Variants in GPC6 observed in about 807,000 individuals in gnomAD.
The protein encoded by GPC6 is glypican 6, also known as glypican-6.
In GPC6, 14 loss-of-function variants were observed where a neutral mutation model predicts 55.2. That is an observed-to-expected ratio of 0.25 (90% CI 0.17 to 0.40). The LOEUF (loss-of-function observed/expected upper bound fraction) is 0.40, where lower values mean the gene tolerates loss of function less well. Ranked by LOEUF, GPC6 falls within the 10% of genes least tolerant of loss-of-function variation. The pLI is 1.00. For missense variants in GPC6, 641 were observed against 708.5 expected, an observed-to-expected ratio of 0.90 and a Z score of 1.08; for synonymous variants, 278 against 259.6, an observed-to-expected ratio of 1.07 and a Z score of -0.68.
chr13:94,275,671 T>C (rs1464220210), intron 4 of GPC6, among the ~76,000 whole-genome samples: 1 of 151,824 alleles, frequency 6.6e-6, no homozygotes, highest in African/African-American at 2.4e-5. Context: ...AAAATATTGG[T>C]AATTCATGAA....
At chr13:94,086,502 G>T (rs915504098) in intron 4 of GPC6, among the ~76,000 whole-genome samples, 1 of 151,838 alleles carries the variant, frequency 6.6e-6, no homozygotes, top group Non-Finnish European at 1.5e-5. Context: ...CTGTAGAAAT[G>T]TGCATGGTTT....
chr13:94,382,403 T>A lies in GPC6; in HGVS notation c.1153-11T>A, dbSNP rs958064962. On this transcript the variant is annotated splice_polypyrimidine_tract_variant and intron_variant, in intron 6 of 8. Coordinates refer to ENST00000377047, the MANE Select transcript of GPC6 (RefSeq NM_005708.5). ...AGAATACTCACTTGCTTTCCTTGGT[T>A]TCTTGATCAGGTCACAGACATAAAA... 4.3e-6 allele frequency: 7 copies of A among 1,613,950 alleles called. No individual in the cohort carries two copies. The highest frequency in any genetic ancestry group is 5.9e-6 in the Non-Finnish European group (7 of 1,179,946).
intron 1 of GPC6, among the ~76,000 whole-genome samples, chr13:93,280,097 C>T (rs1877898175): frequency 6.6e-6 from 1 of 152,122 alleles, no homozygotes; most frequent in African/African-American, 2.4e-5. Context: ...CACCTGAAGG[C>T]ATTTTTTCAC....
At chr13:93,829,108 T>A (rs1460663813) in intron 2 of GPC6, among the ~76,000 whole-genome samples, 1 of 152,228 alleles carries the variant, frequency 6.6e-6, no homozygotes, top group African/African-American at 2.4e-5. Flanking sequence ...AAACGGGGAC[T>A]ATGAAGAGGT....
At chr13:94,261,071 C>T (rs546478772) in intron 4 of GPC6, among the ~76,000 whole-genome samples, 18 of 152,122 alleles carry the variant, frequency 1.2e-4, no homozygotes, top group East Asian at 9.7e-4. Flanking sequence ...GTCAGGAGTT[C>T]GAAACCAGCC....
intron 4 of GPC6, among the ~76,000 whole-genome samples, chr13:94,079,784 TTG>T (rs1885042859): frequency 6.6e-6 from 1 of 152,238 alleles, no homozygotes; most frequent in African/African-American, 2.4e-5. Flanking sequence ...AATTATTTCT[TTG>T]TGTCTGTTTC....
chr13:94,115,714 C>T (rs1350833633), intron 4 of GPC6, among the ~76,000 whole-genome samples: 3 of 152,078 alleles, frequency 2.0e-5, no homozygotes, highest in African/African-American at 7.2e-5. Flanking sequence ...TCAACACAAA[C>T]CTACGAACAT....
chr13:93,753,245 A>G lies in GPC6; in HGVS notation c.320-76909A>G, dbSNP rs145629546. 4.8e-3 allele frequency among the ~76,000 whole-genome samples: 726 copies of G among 152,280 alleles called. 3 individuals carry two copies. The highest frequency in any genetic ancestry group is 0.017 in the African/African-American group (693 of 41,552). ...CCATGTCACTTCAGTGAACATTTAT[A>G]TATAACCATTTCTTTACCGCATGGT... is the stretch of plus-strand genomic sequence containing the variant. On this transcript the variant is annotated intron_variant, in intron 2 of 8. Transcript: ENST00000377047.
At chr13:94,072,447 G>A (rs1200797528) in intron 4 of GPC6, among the ~76,000 whole-genome samples, 9 of 152,106 alleles carry the variant, frequency 5.9e-5, no homozygotes, top group Admixed American at 4.6e-4. Flanking sequence ...TCTGCCTCCC[G>A]GGTTCAAGCA....
intron 2 of GPC6, among the ~76,000 whole-genome samples, chr13:93,667,743 T>TTTTTTTTTTCCTGTCAAATTTGTA (rs1447289109): frequency 6.8e-6 from 1 of 147,994 alleles, no homozygotes; most frequent in African/African-American, 2.6e-5. Context: ...TTGTTTTTTT[T>TTTTTTTTTTCCTGTCAAATTTGTA]TTTTTCTGTC....
At chr13:94,085,841 A>G (rs1400509092) in intron 4 of GPC6, among the ~76,000 whole-genome samples, 1 of 152,186 alleles carries the variant, frequency 6.6e-6, no homozygotes, top group Non-Finnish European at 1.5e-5. Context: ...AAATAATTAT[A>G]TAATGGAAAT....
At chr13:93,663,561 G>C (rs979126115) in intron 2 of GPC6, among the ~76,000 whole-genome samples, 1 of 152,142 alleles carries the variant, frequency 6.6e-6, no homozygotes, top group African/African-American at 2.4e-5. Flanking sequence ...GGATTTTAAA[G>C]TTAATCTAAT....
chr13:93,861,146 A>T (rs994828905), intron 3 of GPC6, among the ~76,000 whole-genome samples: 2 of 151,592 alleles, frequency 1.3e-5, no homozygotes, highest in African/African-American at 4.8e-5. Context: ...CATTAAAAAT[A>T]CTAGCTGTTA....
At chr13:93,523,053 A>T (rs200702113) in intron 1 of GPC6, among the ~76,000 whole-genome samples, 2 of 133,466 alleles carry the variant, frequency 1.5e-5, no homozygotes, top group Non-Finnish European at 3.0e-5. Flanking sequence ...ACACACACAC[A>T]TATGTGTATA....
chr13:93,579,673 G>T lies in GPC6; in HGVS notation c.319+34252G>T, dbSNP rs146655520. 3.4e-3 allele frequency among the ~76,000 whole-genome samples: 511 copies of T among 152,248 alleles called. 4 individuals are homozygous for T. The highest frequency in any genetic ancestry group is 0.012 in the African/African-American group (482 of 41,562). ...TAATTTGGGAGGGATAGATGAGAAA[G>T]GAGACTTGATTAAGATGCTTGAAGT... is the stretch of plus-strand genomic sequence containing the variant. On this transcript the variant is annotated intron_variant, in intron 2 of 8. Transcript: ENST00000377047.
At chr13:93,526,233 G>C (rs1388480366) in intron 1 of GPC6, among the ~76,000 whole-genome samples, 1 of 151,904 alleles carries the variant, frequency 6.6e-6, no homozygotes, top group Non-Finnish European at 1.5e-5. Context: ...CCATACATCA[G>C]GGTGCATTAG....
chr13:94,046,988 G>T (rs1160832036), intron 4 of GPC6, among the ~76,000 whole-genome samples: 3 of 152,102 alleles, frequency 2.0e-5, no homozygotes, highest in East Asian at 1.9e-4. Flanking sequence ...GGTAAGGAAA[G>T]AACTTTAAAT....
At chr13:93,655,764 T>C (rs1880635411) in intron 2 of GPC6, among the ~76,000 whole-genome samples, 1 of 152,144 alleles carries the variant, frequency 6.6e-6, no homozygotes, top group Non-Finnish European at 1.5e-5. Context: ...TTACGTTAAA[T>C]TCACAAGACT....
At chr13:93,663,752 C>A (rs896514546) in intron 2 of GPC6, among the ~76,000 whole-genome samples, 3 of 152,174 alleles carry the variant, frequency 2.0e-5, no homozygotes, top group Non-Finnish European at 4.4e-5. Context: ...TAAAATGGGA[C>A]AAGTCACTTC....
Sources: allele counts gnomAD v4.1 joint callset (sites outside exome capture counted in the v4.1 genomes callset), GRCh38; gene constraint gnomAD v4.1.1; transcripts MANE v1.5; gene names NCBI Gene and HGNC (gene_info 2026-07-23, HGNC 2026-07-21).